The following TJP1 variants were observed in gnomAD, a reference collection of about 807,000 sequenced individuals.
TJP1 encodes tight junction protein ZO-1.
In TJP1, 43 loss-of-function variants were observed where a neutral mutation model predicts 194.2. The observed-to-expected ratio is 0.22, with a 90% CI of 0.17 to 0.29. TJP1 has a LOEUF of 0.29. Ranked by LOEUF, TJP1 falls within the 10% of genes least tolerant of loss-of-function variation. The pLI, the probability that TJP1 is intolerant of heterozygous loss-of-function variation, is 1.00. For missense variants in TJP1, 1,971 were observed against 2,185.7 expected (o/e 0.90, Z 1.96); for synonymous variants, 801 against 779.0 (o/e 1.03, Z -0.47).
intron 2 of TJP1, among the ~76,000 whole-genome samples, chr15:29,949,977 TCACCACCACCTC>T (rs1393883662): frequency 3.3e-4 from 1 of 3,012 alleles, no homozygotes; most frequent in Non-Finnish European, 4.9e-4. Context: ...ACAACCATCT[TCACCACCACCTC>T]CACCACCACC....
chr15:29,715,229 C>T (rs1455762678), intron 23 of TJP1, among the ~76,000 whole-genome samples: 13 of 152,138 alleles, frequency 8.5e-5, no homozygotes, highest in Non-Finnish European at 1.8e-4. Flanking sequence ...TCAGTCCAGA[C>T]ACCATCTAGA....
At position 29,901,313 on chromosome 15, in the gene TJP1, G is replaced by C. The variant is rs546438549; in HGVS notation, c.306+54919C>G. Among the ~76,000 whole-genome samples the C allele has an allele frequency of 2.0e-5, 3 of 152,256 alleles. No homozygotes were observed. In the South Asian group the frequency reaches 6.2e-4, roughly 32 times the overall value. On this transcript the variant is annotated intron_variant, in intron 2 of 28. Coordinates refer to the TJP1 transcript ENST00000356107. ...TCTGCAACTACATAGTTATTTGTTT[G>C]ACTGTTCCTGCTTTCACAATTATAA... is the stretch of plus-strand genomic sequence containing the variant.
chr15:29,776,851 A>G (rs1021332834), intron 2 of TJP1, among the ~76,000 whole-genome samples: 1 of 152,230 alleles, frequency 6.6e-6, no homozygotes, highest in African/African-American at 2.4e-5. Flanking sequence ...CAAATTTTAA[A>G]TTTTGTTTTA....
chr15:29,735,588 G>GAAAAAAAAA (rs79594334), intron 11 of TJP1, among the ~76,000 whole-genome samples: 1 of 91,680 alleles, frequency 1.1e-5, no homozygotes, highest in Non-Finnish European at 2.3e-5. Context: ...CTGTCTCAAG[G>GAAAAAAAAA]AAAAAAAAAA....
In TJP1 at chr15:29,704,280, C is replaced by T. The variant is rs575536449; in HGVS notation, c.5094G>A (p.Val1698=). The change falls in exon 27 of 28, where the codon GTG becomes GTA. Residue 1698 remains valine, a synonymous_variant. Transcript: ENST00000614355. The stretch of plus-strand genomic sequence containing the variant: ...ACTTGAGGCCATGGGGACCACACAT[C>T]ACCAAAGGACTCAGCAGTGTTTCAC... ...EKGETLLSPL[V]MCGPHGLKFL... is the part of the protein sequence containing the mutation. 3.6e-5 allele frequency: 58 copies of T among 1,598,094 alleles called. No individual in the cohort carries two copies. In the South Asian group the frequency reaches 4.2e-4, roughly 12 times the overall value.
At chr15:29,731,039 A>G (rs2043610766) in intron 15 of TJP1, 3 of 948,238 alleles carry the variant, frequency 3.2e-6, no homozygotes, top group African/African-American at 1.7e-5. Flanking sequence ...AGTTTGAAAT[A>G]CTTTTATCAA....
At chr15:29,883,419 T>C (rs1435396421) in intron 2 of TJP1, among the ~76,000 whole-genome samples, 2 of 152,192 alleles carry the variant, frequency 1.3e-5, no homozygotes, top group East Asian at 3.9e-4. Context: ...CTCAAATAAC[T>C]TATATTTGCT....
intron 18 of TJP1, among the ~76,000 whole-genome samples, chr15:29,725,622 T>G (rs925007719): frequency 6.6e-6 from 1 of 152,000 alleles, no homozygotes; most frequent in Non-Finnish European, 1.5e-5. Flanking sequence ...AGGAAATGAT[T>G]AACTCTCCAG....
At chr15:29,776,803 A>G (rs2047043157) in intron 2 of TJP1, among the ~76,000 whole-genome samples, 1 of 152,218 alleles carries the variant, frequency 6.6e-6, no homozygotes, top group African/African-American at 2.4e-5. Flanking sequence ...TTAAGTACTG[A>G]AAAGCTACTG....
intron 2 of TJP1, among the ~76,000 whole-genome samples, chr15:29,878,414 T>A (rs1250270967): frequency 6.6e-6 from 1 of 152,208 alleles, no homozygotes; most frequent in East Asian, 1.9e-4. Context: ...TGACTTGATC[T>A]CCTTGAGTAG....
At chr15:29,750,764 TA>T (rs2045221421) in intron 8 of TJP1, among the ~76,000 whole-genome samples, 1 of 152,176 alleles carries the variant, frequency 6.6e-6, no homozygotes, top group Non-Finnish European at 1.5e-5. Context: ...TAAAGACTTA[TA>T]CTACAAAAAC....
Position 29,719,134 on chromosome 15 carries a change from T to A in TJP1, c.3008A>T (p.Tyr1003Phe). 1 of 1,579,328 alleles carries A rather than the reference T, an allele frequency of 6.3e-7. No individual in the cohort carries two copies. The highest frequency in any genetic ancestry group is 2.2e-5 in the East Asian group (1 of 44,616). ...LSSHVDPTKV[Y>F]RKDPYPEEMM... ...TTCCTCGGGATATGGATCCTTTCTA[T>A]ACACCTGTATAAAAAATTCACATTT... is the stretch of plus-strand genomic sequence containing the variant. Residue 1003 changes from tyrosine to phenylalanine, a missense_variant, in exon 21 of 28, where the codon TAT becomes TTT. Tyr to Phe is a conservative substitution (Grantham distance 22). Around this residue, in one of 5 missense-constraint regions of TJP1, gnomAD observed 1,108 missense variants for 1,128.5 expected, o/e 0.98. Coordinates refer to ENST00000614355, the MANE Select transcript of TJP1 (RefSeq NM_001330239.4).
chr15:29,733,223 C>G lies in TJP1; in HGVS notation c.1607G>C (p.Ser536Thr), dbSNP rs758443124. The G allele has an allele frequency of 2.9e-5, 47 of 1,613,952 alleles. No homozygotes were observed. The South Asian group carries it at 4.5e-4, about 15-fold the overall frequency. ...EYEKESPYGLSFNKGEVFRVV... is the reference protein window; with the variant it reads ...EYEKESPYGLTFNKGEVFRVV... ...ACGGAACACCTCTCCTTTGTTAAAA[C>G]TAAGTCCATAGGGAGATTCCTTTTC... Residue 536 changes from serine to threonine, a missense_variant, in exon 13 of 28, where the codon AGT (serine) becomes ACT (threonine). Physicochemically the swap from Ser to Thr is moderately conservative, Grantham distance 58. Transcript: ENST00000614355.
At position 29,956,260 on chromosome 15, in the gene TJP1, AG is replaced by A; in HGVS notation, c.277del (p.Asp94IlefsTer24). 7.8e-7 allele frequency: 1 copy of A among 1,288,598 alleles called. No homozygotes were observed. The highest frequency in any genetic ancestry group is 1.0e-6 in the Non-Finnish European group (1 of 988,382). 79.8% of individuals were successfully genotyped at this position (1,288,598 alleles called of 1,614,324 possible). On this transcript the variant is annotated frameshift_variant, in exon 2 of 29. Transcript: ENST00000356107. LOFTEE classifies it high-confidence loss of function. ...GAGCTCACAGAAATCCATGCTATCA[AG>A]GCTTTTGCTTCTGTGTAATCTCCCT... is the stretch of plus-strand genomic sequence containing the variant.
chr15:29,854,670 T>G (rs923579810), intron 2 of TJP1, among the ~76,000 whole-genome samples: 1 of 152,148 alleles, frequency 6.6e-6, no homozygotes, highest in Non-Finnish European at 1.5e-5. Flanking sequence ...AGTCACCAAG[T>G]GTGTGGTGAT....
chr15:29,868,131 G>T lies in TJP1; in HGVS notation c.307-67429C>A, dbSNP rs548322451. On this transcript the variant is annotated intron_variant, in intron 2 of 28. Coordinates refer to the TJP1 transcript ENST00000356107. ...TCCCAGCTACTCAGAGGCTGAGGTG[G>T]AATGATCGTTTGAGCCTATAAGTTC... Among the ~76,000 whole-genome samples, 31 of 152,156 alleles carry T rather than the reference G, an allele frequency of 2.0e-4. No individual in the cohort carries two copies. In the South Asian group the frequency reaches 6.2e-3, roughly 31 times the overall value.
intron 23 of TJP1, among the ~76,000 whole-genome samples, chr15:29,714,537 CTTT>C (rs58378713): frequency 1.1e-5 from 1 of 88,984 alleles, no homozygotes; most frequent in Non-Finnish European, 2.2e-5. Flanking sequence ...TGCGCCCAGC[CTTT>C]TTTTTTTTTT....
intron 1 of TJP1, among the ~76,000 whole-genome samples, chr15:29,966,124 TAATA>T (rs1567243910): frequency 2.0e-5 from 3 of 152,046 alleles, no homozygotes; most frequent in African/African-American, 7.2e-5. Context: ...TGATGGAAAA[TAATA>T]AATATAGTTT....
At chr15:29,938,882 G>T (rs1019467405) in intron 2 of TJP1, among the ~76,000 whole-genome samples, 1 of 152,170 alleles carries the variant, frequency 6.6e-6, no homozygotes, top group African/African-American at 2.4e-5. Flanking sequence ...AACTGCACAC[G>T]CTAGAAAGCC....
Sources: gnomAD v4.1 joint callset for allele counts (sites outside exome capture counted in the v4.1 genomes callset) on GRCh38, gnomAD v4.1.1 for gene constraint, gnomAD v4.1.1 regional missense constraint, MANE v1.5 for transcripts, NCBI Gene and HGNC (gene_info 2026-07-23, HGNC 2026-07-21) for gene names.